The following ANKS1B variants were observed in gnomAD, a reference collection of about 807,000 sequenced individuals.
ANKS1B encodes ankyrin repeat and sterile alpha motif domain containing 1B.
A neutral mutation model predicts 148.3 loss-of-function variants in ANKS1B; 36 were observed. The ratio of observed to expected loss-of-function variants is 0.24; its 90% CI spans 0.19 to 0.32. The LOEUF (loss-of-function observed/expected upper bound fraction) is 0.32. Among genes scored for constraint, ANKS1B ranks in the 10% least tolerant of loss-of-function variants. The pLI, the probability that ANKS1B is intolerant of heterozygous loss-of-function variation, is 1.00. For synonymous variants in ANKS1B, 542 were observed against 560.8 expected, an observed-to-expected ratio of 0.97 and a Z score of 0.47; for missense variants, 1,157 against 1,542.6, an observed-to-expected ratio of 0.75 and a Z score of 4.19.
At chr12:98,742,464 A>C (rs1175454445), downstream of ANKS1B, among the ~76,000 whole-genome samples, 1 of 152,170 alleles carries the variant, frequency 6.6e-6, no homozygotes, top group African/African-American at 2.4e-5. Context: ...TGAGTGCAAT[A>C]TGTTGGCTGC....
At chr12:99,928,654 A>G (rs1222537719) in intron 1 of ANKS1B, among the ~76,000 whole-genome samples, 1 of 152,234 alleles carries the variant, frequency 6.6e-6, no homozygotes, top group Non-Finnish European at 1.5e-5. Context: ...TTGCCCTTAT[A>G]GATTTTCCTG....
rs145278824 is a variant in ANKS1B, at chr12:98,808,159, C to T, written c.3067-241G>A. On this transcript the variant is annotated intron_variant, in intron 19 of 26. Coordinates refer to ENST00000683438, the MANE Select transcript of ANKS1B (RefSeq NM_001352186.2). Reference sequence around the variant, plus strand: ...TATGCATTTATGCAAGGAAAATTACCAATAAATTCATGCCTTGGAAAAAAG... The same window carrying T: ...TATGCATTTATGCAAGGAAAATTACTAATAAATTCATGCCTTGGAAAAAAG... Among the ~76,000 whole-genome samples the T allele has an allele frequency of 3.9e-3, 601 of 152,196 alleles. 1 individual carries two copies. The highest frequency in any genetic ancestry group is 7.9e-3 in the Admixed American group (120 of 15,284).
intron 11 of ANKS1B, among the ~76,000 whole-genome samples, chr12:99,436,599 G>C (rs1233460262): frequency 1.3e-5 from 2 of 151,950 alleles, no homozygotes; most frequent in Admixed American, 1.3e-4. Context: ...ACAGTGCCCA[G>C]AAAAATGTTA....
At chr12:99,964,668 T>G (rs751742160) in intron 1 of ANKS1B, among the ~76,000 whole-genome samples, 1 of 152,142 alleles carries the variant, frequency 6.6e-6, no homozygotes, top group Non-Finnish European at 1.5e-5. Flanking sequence ...CACCCCAGCA[T>G]GGGATGTCAG....
intron 10 of ANKS1B, among the ~76,000 whole-genome samples, chr12:99,497,804 G>A (rs1485908632): frequency 4.0e-5 from 6 of 151,770 alleles, no homozygotes; most frequent in Admixed American, 2.6e-4. Flanking sequence ...TCCCTCTTAA[G>A]ACTTGATCAC....
intron 8 of ANKS1B, among the ~76,000 whole-genome samples, chr12:99,758,958 G>C (rs558234603): frequency 6.6e-6 from 1 of 151,918 alleles, no homozygotes; most frequent in African/African-American, 2.4e-5. Context: ...ATAGATTATA[G>C]GAAAAGATAT....
In ANKS1B at chr12:98,975,327, TCTTTC is replaced by T. The variant is rs1237894435; in HGVS notation, c.2778+77825_2778+77829del. ...CTCCTTCCTTCTTCCTTTTCCTCCT[TCTTTC>T]CTTTCCTTTCTCCTTCCTTCCCTCC... On this transcript the variant is annotated intron_variant, in intron 17 of 26. Transcript: ENST00000683438. Among the ~76,000 whole-genome samples the T allele has an allele frequency of 1.1e-3, 165 of 148,660 alleles. 1 individual carries two copies. The highest frequency in any genetic ancestry group is 3.8e-3 in the African/African-American group (155 of 40,400).
chr12:99,236,248 C>G (rs2087894286), intron 14 of ANKS1B, among the ~76,000 whole-genome samples: 1 of 152,182 alleles, frequency 6.6e-6, no homozygotes, highest in Non-Finnish European at 1.5e-5. Context: ...CATCTGCAAA[C>G]AGGGATAGTT....
intron 9 of ANKS1B, among the ~76,000 whole-genome samples, chr12:99,614,496 G>GA (rs2097932676): frequency 6.8e-6 from 1 of 147,764 alleles, no homozygotes; most frequent in Admixed American, 6.8e-5. Flanking sequence ...GGAGGGGAGG[G>GA]AAAATCAAGC....
At position 98,810,029 on chromosome 12, in the gene ANKS1B, A is replaced by G. The variant is rs142366227; in HGVS notation, c.3067-2111T>C. Among the ~76,000 whole-genome samples, 5 of 152,346 alleles carry G rather than the reference A, an allele frequency of 3.3e-5. No individual in the cohort carries two copies. The East Asian group carries it at 9.7e-4, about 29-fold the overall frequency. Reference sequence around the variant, plus strand: ...AAGAATAAACTATGTTCCAACTGCCACAAGGTTTTTCTTTTTCTCTAGCAG... The same window carrying G: ...AAGAATAAACTATGTTCCAACTGCCGCAAGGTTTTTCTTTTTCTCTAGCAG... On this transcript the variant is annotated intron_variant, in intron 19 of 26. Transcript: ENST00000683438.
chr12:99,247,267 A>G (rs2073983651), intron 12 of ANKS1B, among the ~76,000 whole-genome samples: 1 of 152,208 alleles, frequency 6.6e-6, no homozygotes. Context: ...AACACTAGGC[A>G]GGTAAGTCAA....
chr12:98,978,309 T>C (rs559074828), intron 17 of ANKS1B, among the ~76,000 whole-genome samples: 8 of 152,330 alleles, frequency 5.3e-5, no homozygotes, highest in Non-Finnish European at 7.4e-5. Flanking sequence ...GTTTATTAGT[T>C]ATACCTCCTT....
intron 22 of ANKS1B, among the ~76,000 whole-genome samples, chr12:98,787,744 A>G (rs2098809077): frequency 2.0e-5 from 3 of 151,572 alleles, no homozygotes; most frequent in Admixed American, 2.0e-4. Context: ...ACACAGTGAA[A>G]CCCCATCTAT....
chr12:99,586,797 A>T (rs2097646467), intron 9 of ANKS1B, among the ~76,000 whole-genome samples: 1 of 152,164 alleles, frequency 6.6e-6, no homozygotes, highest in Non-Finnish European at 1.5e-5. Context: ...GGCAAAGAGT[A>T]TGTGCGGGGG....
intron 3 of ANKS1B, among the ~76,000 whole-genome samples, chr12:99,809,693 CAT>C (rs1486978363): frequency 6.6e-6 from 1 of 151,948 alleles, no homozygotes; most frequent in Non-Finnish European, 1.5e-5. Context: ...AAAGAGATAA[CAT>C]ATTTTTAAAA....
rs992143831 is a variant in ANKS1B at position 99,636,798 on chromosome 12, A to G, written c.1272+18269T>C. Among the ~76,000 whole-genome samples the G allele has an allele frequency of 2.6e-5, 4 of 152,240 alleles. No homozygotes were observed. In the South Asian group the frequency reaches 6.2e-4, roughly 24 times the overall value. On this transcript the variant is annotated intron_variant, in intron 9 of 26. Transcript: ENST00000683438. ...TGAAAACAAAGAACCATTTATGATTACAAATTTTAGCAAATAAGTGAATTT... is the reference window on the plus strand; with the variant it reads ...TGAAAACAAAGAACCATTTATGATTGCAAATTTTAGCAAATAAGTGAATTT...
intron 14 of ANKS1B, among the ~76,000 whole-genome samples, chr12:99,157,963 G>T (rs953795833): frequency 6.6e-6 from 1 of 151,998 alleles, no homozygotes; most frequent in African/African-American, 2.4e-5. Flanking sequence ...ATTCTTTTAG[G>T]TATTCAATCC....
At chr12:99,003,492 A>G (rs1399072674) in intron 17 of ANKS1B, among the ~76,000 whole-genome samples, 1 of 152,212 alleles carries the variant, frequency 6.6e-6, no homozygotes, top group Non-Finnish European at 1.5e-5. Context: ...TATATAGGGC[A>G]TCAGTTCTCA....
intron 10 of ANKS1B, among the ~76,000 whole-genome samples, chr12:99,478,647 A>C (rs2096364311): frequency 6.6e-6 from 1 of 152,126 alleles, no homozygotes; most frequent in Admixed American, 6.6e-5. Flanking sequence ...TGAAATGTAC[A>C]GAACTAGCCA....
Sources: allele counts gnomAD v4.1 joint callset (sites outside exome capture counted in the v4.1 genomes callset), GRCh38; gene constraint gnomAD v4.1.1; transcripts MANE v1.5; gene names NCBI Gene and HGNC (gene_info 2026-07-23, HGNC 2026-07-21).